ARL15: variants seen among roughly 807,000 people sequenced by gnomAD.
The protein encoded by ARL15 is ADP-ribosylation factor-like protein 15.
ARL15 carries 19 observed loss-of-function variants against 25.2 expected under a neutral mutation model. That is an observed-to-expected ratio of 0.75 (90% CI 0.53 to 1.10). The LOEUF is 1.10. ARL15 is among the 50% of genes least tolerant of loss of function. The pLI, the probability that ARL15 is intolerant of heterozygous loss-of-function variation, is 0.00. For synonymous variants in ARL15, 94 were observed against 86.8 expected (o/e 1.08, Z -0.46); for missense variants, 220 against 246.0 (o/e 0.89, Z 0.71).
intron 4 of ARL15, among the ~76,000 whole-genome samples, chr5:54,006,204 T>G (rs1580163513): frequency 6.6e-6 from 1 of 152,128 alleles, no homozygotes; most frequent in South Asian, 2.1e-4. Flanking sequence ...TTCATAATTG[T>G]GGCCACAGTT....
chr5:53,922,749 G>A (rs1745895024), intron 4 of ARL15, among the ~76,000 whole-genome samples: 1 of 152,166 alleles, frequency 6.6e-6, no homozygotes, highest in Non-Finnish European at 1.5e-5. Flanking sequence ...CTTGACTTGT[G>A]AACAACAGCT....
In ARL15 at chr5:54,219,489, C is replaced by A. The variant is rs538704672; in HGVS notation, c.49-47561G>T. On this transcript the variant is annotated intron_variant, in intron 1 of 4. Coordinates refer to ENST00000504924, the MANE Select transcript of ARL15 (RefSeq NM_019087.3). Reference sequence around the variant, plus strand: ...GCCTAAAACTTTCCTTGTTTTAAAACTAGAACTAGAAATCAAGACAATCAC... The same window carrying A: ...GCCTAAAACTTTCCTTGTTTTAAAAATAGAACTAGAAATCAAGACAATCAC... 2.0e-5 allele frequency among the ~76,000 whole-genome samples: 3 copies of A among 152,210 alleles called. No individual in the cohort carries two copies. The Middle Eastern group carries it at 0.01, about 518-fold the overall frequency.
intron 4 of ARL15, among the ~76,000 whole-genome samples, chr5:54,028,986 T>C (rs763406445): frequency 9.9e-5 from 15 of 151,716 alleles, no homozygotes; most frequent in Non-Finnish European, 1.9e-4. Flanking sequence ...CTATGAGGAC[T>C]ACATTGCACC....
chr5:53,939,541 G>A (rs1746462431), intron 4 of ARL15, among the ~76,000 whole-genome samples: 1 of 152,068 alleles, frequency 6.6e-6, no homozygotes, highest in South Asian at 2.1e-4. Context: ...TCAACACCAT[G>A]CTGGCCAACA....
intron 1 of ARL15, among the ~76,000 whole-genome samples, chr5:54,184,130 G>A (rs1755152251): frequency 1.6e-5 from 2 of 123,362 alleles, no homozygotes. Flanking sequence ...GGATAGCATT[G>A]GGAGATATAC....
chr5:54,251,681 A>G (rs1757239821), intron 1 of ARL15, among the ~76,000 whole-genome samples: 1 of 152,260 alleles, frequency 6.6e-6, no homozygotes, highest in Non-Finnish European at 1.5e-5. Flanking sequence ...TCCAACAAGT[A>G]GATTTTAACT....
chr5:53,947,430 T>C (rs755344072), intron 4 of ARL15, among the ~76,000 whole-genome samples: 1 of 152,016 alleles, frequency 6.6e-6, no homozygotes, highest in Non-Finnish European at 1.5e-5. Context: ...CCAAAACTAA[T>C]CAAACAAATG....
intron 1 of ARL15, among the ~76,000 whole-genome samples, chr5:54,212,836 G>C (rs902256830): frequency 7.2e-5 from 11 of 152,134 alleles, no homozygotes; most frequent in African/African-American, 2.4e-4. Context: ...GATTTAATGG[G>C]GGGGAGATGC....
intron 4 of ARL15, among the ~76,000 whole-genome samples, chr5:54,091,597 G>A (rs991964726): frequency 6.6e-6 from 1 of 152,086 alleles, no homozygotes; most frequent in African/African-American, 2.4e-5. Context: ...CCTTCTCCTG[G>A]ACCAGTAAAA....
At chr5:54,111,782 T>A (rs1752750117) in intron 4 of ARL15, among the ~76,000 whole-genome samples, 1 of 152,062 alleles carries the variant, frequency 6.6e-6, no homozygotes, top group Non-Finnish European at 1.5e-5. Flanking sequence ...TGAATAACAA[T>A]GCATTCTCAG....
At chr5:53,947,216 G>GTGTGTGTGTGTC (rs1360381158) in intron 4 of ARL15, among the ~76,000 whole-genome samples, 5 of 134,932 alleles carry the variant, frequency 3.7e-5, no homozygotes, top group South Asian at 2.3e-4. Context: ...GTGTGTGTGT[G>GTGTGTGTGTGTC]TGTGTTGAGG....
intron 1 of ARL15, among the ~76,000 whole-genome samples, chr5:54,192,004 A>G (rs1390956654): frequency 2.0e-5 from 3 of 152,068 alleles, no homozygotes; most frequent in African/African-American, 7.2e-5. Context: ...GACAACATCT[A>G]CTACTATTTC....
chr5:53,981,950 C>T (rs1289468055), intron 4 of ARL15, among the ~76,000 whole-genome samples: 1 of 151,426 alleles, frequency 6.6e-6, no homozygotes, highest in African/African-American at 2.4e-5. Flanking sequence ...CAAAGCTAGG[C>T]AAAGAGCTTA....
chr5:53,945,886 A>G (rs966541584), intron 4 of ARL15, among the ~76,000 whole-genome samples: 2 of 152,212 alleles, frequency 1.3e-5, no homozygotes, highest in African/African-American at 4.8e-5. Context: ...CGAAGTAACT[A>G]AAGCCTAGAA....
chr5:54,065,861 T>C (rs1751215023), intron 4 of ARL15, among the ~76,000 whole-genome samples: 1 of 152,214 alleles, frequency 6.6e-6, no homozygotes, highest in Non-Finnish European at 1.5e-5. Flanking sequence ...AAATGCAATG[T>C]TAATCATAAT....
chr5:54,182,706 G>A (rs1431471494), intron 1 of ARL15, among the ~76,000 whole-genome samples: 1 of 151,958 alleles, frequency 6.6e-6, no homozygotes, highest in East Asian at 1.9e-4. Context: ...GTAGCTTGAT[G>A]GGGATGGCAT....
At chr5:54,161,680 A>T (rs1754405585) in intron 2 of ARL15, among the ~76,000 whole-genome samples, 1 of 152,176 alleles carries the variant, frequency 6.6e-6, no homozygotes, top group Non-Finnish European at 1.5e-5. Context: ...GAATTCTCTA[A>T]GAGGGACAGC....
intron 1 of ARL15, among the ~76,000 whole-genome samples, chr5:54,266,290 G>A (rs558969188): frequency 2.0e-5 from 3 of 152,316 alleles, no homozygotes; most frequent in Admixed American, 6.5e-5. Flanking sequence ...CCCCGTGGCT[G>A]TACATAATAG....
chr5:54,196,987 T>C (rs370744875), intron 1 of ARL15, among the ~76,000 whole-genome samples: 1 of 152,160 alleles, frequency 6.6e-6, no homozygotes, highest in African/African-American at 2.4e-5. Context: ...CTGAAGAATA[T>C]ACTAGTCAAT....
Sources: allele counts gnomAD v4.1 joint callset (sites outside exome capture counted in the v4.1 genomes callset), GRCh38; gene constraint gnomAD v4.1.1; transcripts MANE v1.5; gene names NCBI Gene and HGNC (gene_info 2026-07-23, HGNC 2026-07-21).